Variants in ZNF827 observed in about 807,000 individuals in gnomAD.
ZNF827 encodes zinc finger protein 827.
In ZNF827, 13 loss-of-function variants were observed where a neutral mutation model predicts 102.4. The ratio of observed to expected loss-of-function variants is 0.13; its 90% confidence interval spans 0.08 to 0.20. The LOEUF (loss-of-function observed/expected upper bound fraction) is 0.20, where lower values mean the gene tolerates loss of function less well. Among genes scored for constraint, ZNF827 ranks in the 10% least tolerant of loss-of-function variants. The pLI, the probability that ZNF827 is intolerant of heterozygous loss-of-function variation, is 1.00. For synonymous variants in ZNF827, 523 were observed against 536.2 expected (o/e 0.98, Z 0.34); for missense variants, 1,103 against 1,344.4 (o/e 0.82, Z 2.81).
At chr4:145,801,890 T>A (rs1321680707) in intron 8 of ZNF827, among the ~76,000 whole-genome samples, 1 of 152,002 alleles carries the variant, frequency 6.6e-6, no homozygotes, top group East Asian at 1.9e-4. Context: ...GCTCCATTAT[T>A]TCAACGTGAG....
At chr4:145,831,694 G>GA (rs2126546752) in intron 7 of ZNF827, 1 of 152,294 alleles carries the variant, frequency 6.6e-6, no homozygotes, top group Admixed American at 6.5e-5. Context: ...TAGCATCATG[G>GA]AAAATCTCCT....
At position 145,779,264 on chromosome 4, in the gene ZNF827, C is replaced by T. The variant is rs1737584655; in HGVS notation, c.2521+110G>A. ...GAGAAAATGGCTTGAAAAGGTCAGCCATTCCCAGCACTTCCTGTAATGCCT... is the reference window on the plus strand; with the variant it reads ...GAGAAAATGGCTTGAAAAGGTCAGCTATTCCCAGCACTTCCTGTAATGCCT... On this transcript the variant is annotated intron_variant, in intron 9 of 14. Coordinates refer to ENST00000508784, the MANE Select transcript of ZNF827 (RefSeq NM_001306215.2). 7 of 1,393,836 alleles carry T rather than the reference C, an allele frequency of 5.0e-6. No homozygotes were observed. In the South Asian group the frequency reaches 1.1e-4, roughly 22 times the overall value. 86.3% of individuals were successfully genotyped at this position (1,393,836 alleles called of 1,614,324 possible).
rs1191464132 is a variant in ZNF827 at position 145,893,424 on chromosome 4, C to T, written c.1094-1009G>A. Among the ~76,000 whole-genome samples, 5 of 152,152 alleles carry T rather than the reference C, an allele frequency of 3.3e-5. No homozygotes were observed. In the South Asian group the frequency reaches 6.2e-4, roughly 19 times the overall value. The stretch of plus-strand genomic sequence containing the variant: ...GGTTAAATGACTTAGCATATGTGCC[C>T]ACAATAAAATATAAAAAGCACTTTT... On this transcript the variant is annotated intron_variant, in intron 2 of 14. Coordinates refer to ENST00000508784, the MANE Select transcript of ZNF827 (RefSeq NM_001306215.2).
At chr4:145,781,764 G>A (rs946535109) in intron 8 of ZNF827, among the ~76,000 whole-genome samples, 3 of 152,206 alleles carry the variant, frequency 2.0e-5, no homozygotes, top group African/African-American at 7.2e-5. Context: ...CTCCTTTTAA[G>A]TGTATAATCA....
chr4:145,779,176 A>T (rs537314810), intron 9 of ZNF827, among the ~76,000 whole-genome samples, 198 bp downstream of exon 9: 2 of 152,370 alleles, frequency 1.3e-5, no homozygotes, highest in South Asian at 4.1e-4. Context: ...TCCTACCTGG[A>T]ACTCAATGAA....
intron 4 of ZNF827, among the ~76,000 whole-genome samples, chr4:145,878,750 CGGAA>C (rs996501573): frequency 7.1e-4 from 68 of 95,844 alleles, no homozygotes; most frequent in Non-Finnish European, 5.0e-4. Flanking sequence ...GGAGGAAGGG[CGGAA>C]GGAAGGAAGG....
chr4:145,800,887 T>C (rs996945806), intron 8 of ZNF827, among the ~76,000 whole-genome samples: 8 of 152,342 alleles, frequency 5.3e-5, no homozygotes, highest in Admixed American at 2.6e-4. Flanking sequence ...TTGCAGATTT[T>C]GAGAAAGCAG....
intron 7 of ZNF827, among the ~76,000 whole-genome samples, chr4:145,836,358 C>T (rs937085838): frequency 1.6e-4 from 24 of 152,172 alleles, no homozygotes; most frequent in African/African-American, 5.3e-4. Context: ...AACAACTTGA[C>T]CTTACTGTTT....
Position 145,762,351 on chromosome 4 carries a change from C to T in ZNF827, c.*17+739G>A, listed in dbSNP as rs965445947. Among the ~76,000 whole-genome samples the T allele has an allele frequency of 6.6e-6, 1 of 152,156 alleles. No homozygotes were observed. Among genetic ancestry groups the T allele is most frequent in the Non-Finnish European group, 1.5e-5 (1 of 68,032 alleles). On this transcript the variant is annotated intron_variant, in intron 14 of 14. Transcript: ENST00000508784. The surrounding 1 kb of genome is among the most constrained non-coding windows in gnomAD (Gnocchi z 4.9). ...ATGAGGAAGGGAGGAGGGAGGGAGACAACTGCTATCTGGAGCTCGAAGACA... is the reference window on the plus strand; with the variant it reads ...ATGAGGAAGGGAGGAGGGAGGGAGATAACTGCTATCTGGAGCTCGAAGACA...
chr4:145,843,069 A>C (rs1008432326), intron 7 of ZNF827, among the ~76,000 whole-genome samples: 1 of 151,096 alleles, frequency 6.6e-6, no homozygotes, highest in Non-Finnish European at 1.5e-5. Context: ...GAAAATTGGC[A>C]TTTTTTTTTC....
Position 145,938,348 on chromosome 4 carries a change from G to C in ZNF827, c.43+17C>G. On this transcript the variant is annotated intron_variant, in intron 1 of 14. Transcript: ENST00000508784. ...CGAGAAAATGGCACGAGAGGAGGTGGAGAAGGGATGACTTACGTGAGGGAA... is the reference window on the plus strand; with the variant it reads ...CGAGAAAATGGCACGAGAGGAGGTGCAGAAGGGATGACTTACGTGAGGGAA... The C allele has an allele frequency of 1.2e-6, 2 of 1,613,784 alleles. 1 individual carries two copies. Among genetic ancestry groups the C allele is most frequent in the Non-Finnish European group, 1.7e-6 (2 of 1,179,956 alleles).
intron 1 of ZNF827, among the ~76,000 whole-genome samples, chr4:145,912,618 G>T (rs1456409130): frequency 6.6e-6 from 1 of 152,208 alleles, no homozygotes; most frequent in Non-Finnish European, 1.5e-5. Context: ...CTCAAATCCA[G>T]TATGACTGGT....
chr4:145,888,432 C>T (rs1188215237), intron 3 of ZNF827, among the ~76,000 whole-genome samples: 2 of 152,222 alleles, frequency 1.3e-5, no homozygotes, highest in Non-Finnish European at 2.9e-5. Flanking sequence ...AGGGGCTCAC[C>T]TATCCTCTGG....
intron 8 of ZNF827, among the ~76,000 whole-genome samples, chr4:145,789,412 C>T (rs1260728160): frequency 6.6e-6 from 1 of 152,172 alleles, no homozygotes; most frequent in East Asian, 1.9e-4. Flanking sequence ...GGAGACAGTA[C>T]ATAATTAAAA....
intron 8 of ZNF827, among the ~76,000 whole-genome samples, chr4:145,808,271 C>CT (rs1169432086): frequency 6.6e-6 from 1 of 152,052 alleles, no homozygotes; most frequent in East Asian, 1.9e-4. Flanking sequence ...TGGATCTAAT[C>CT]TTTTTTTATA....
intron 9 of ZNF827, among the ~76,000 whole-genome samples, chr4:145,777,051 G>T (rs1737220766): frequency 6.6e-6 from 1 of 152,170 alleles, no homozygotes; most frequent in Admixed American, 6.5e-5. Context: ...GTATTACTGT[G>T]CCTGGCTTAA....
chr4:145,828,082 G>A (rs143003358), intron 7 of ZNF827, among the ~76,000 whole-genome samples: 154 of 152,298 alleles, frequency 1.0e-3, no homozygotes, highest in African/African-American at 3.5e-3. Flanking sequence ...ACCGGACACA[G>A]GATGAAGCGG....
At chr4:145,932,467 C>A (rs1753881423) in intron 1 of ZNF827, among the ~76,000 whole-genome samples, 1 of 144,032 alleles carries the variant, frequency 6.9e-6, no homozygotes, top group Non-Finnish European at 1.5e-5. Context: ...ATTAATAGAA[C>A]TCCTTGTATT....
intron 8 of ZNF827, among the ~76,000 whole-genome samples, chr4:145,816,296 C>T (rs149258110): frequency 1.1e-4 from 16 of 152,328 alleles, no homozygotes; most frequent in African/African-American, 3.8e-4. Flanking sequence ...ACCATATGGG[C>T]AGAGATAAAG....
Sources: gnomAD v4.1 joint callset for allele counts (sites outside exome capture counted in the v4.1 genomes callset) on GRCh38, gnomAD v4.1.1 for gene constraint, Gnocchi (gnomAD v3.1) non-coding constraint, MANE v1.5 for transcripts, NCBI Gene and HGNC (gene_info 2026-07-23, HGNC 2026-07-21) for gene names.